SH2D4B: variants seen among roughly 807,000 people sequenced by gnomAD.
The protein encoded by SH2D4B is SH2 domain-containing protein 4B.
SH2D4B carries 45 observed loss-of-function variants against 61.5 expected under a neutral mutation model. That is an observed-to-expected ratio of 0.73 (90% confidence interval 0.58 to 0.94). The LOEUF (loss-of-function observed/expected upper bound fraction) is 0.94. Ranked by LOEUF, SH2D4B falls within the 40% of genes least tolerant of loss-of-function variation. SH2D4B has a pLI of 0.00. For synonymous variants in SH2D4B, 224 were observed against 220.4 expected (o/e 1.02, Z -0.14); for missense variants, 572 against 574.2 (o/e 1.00, Z 0.04).
chr10:80,641,313 C>A (rs1379586035), intron 7 of SH2D4B, among the ~76,000 whole-genome samples: 1 of 152,192 alleles, frequency 6.6e-6, no homozygotes, highest in African/African-American at 2.4e-5. Context: ...CTGGGAGAAC[C>A]ACTGCTCTCT....
Position 80,609,668 on chromosome 10 carries a change from T to C in SH2D4B, c.988+117T>C, listed in dbSNP as rs1190022015. 3 of 1,491,114 alleles carry C rather than the reference T, an allele frequency of 2.0e-6. No individual in the cohort carries two copies. In the East Asian group the frequency reaches 6.9e-5, roughly 34 times the overall value. The allele number at this position is 1,491,114 out of a possible 1,614,324, so 92.4% of individuals were successfully genotyped here. On this transcript the variant is annotated intron_variant, in intron 6 of 7. Coordinates refer to ENST00000646907, the MANE Select transcript of SH2D4B (RefSeq NM_001388272.1). ...TCAGGGGGCAGAGGACTTTAAGCAATCTCCATTCTGTCCCTCTCCCAGTGG... is the reference window on the plus strand; with the variant it reads ...TCAGGGGGCAGAGGACTTTAAGCAACCTCCATTCTGTCCCTCTCCCAGTGG...
intron 1 of SH2D4B, among the ~76,000 whole-genome samples, chr10:80,568,127 G>A (rs573495368): frequency 2.7e-4 from 40 of 150,482 alleles, no homozygotes; most frequent in African/African-American, 6.8e-4. Flanking sequence ...TTGCTCTGTC[G>A]CTCAGGCTGG....
intron 1 of SH2D4B, among the ~76,000 whole-genome samples, chr10:80,562,894 C>CTTTTTTT (rs34539206): frequency 0.017 from 1,253 of 74,604 alleles, no homozygotes; most frequent in Middle Eastern, 0.052. Flanking sequence ...AACATTTTTT[C>CTTTTTTT]TTTTTTTTTT....
At chr10:80,548,779 C>T (rs1379168550) in intron 1 of SH2D4B, among the ~76,000 whole-genome samples, 1 of 152,186 alleles carries the variant, frequency 6.6e-6, no homozygotes, top group Non-Finnish European at 1.5e-5. Flanking sequence ...ATTGCTAGCC[C>T]TAGTCTATGG....
chr10:80,641,161 C>CA (rs1840297549), intron 7 of SH2D4B, among the ~76,000 whole-genome samples: 2 of 152,200 alleles, frequency 1.3e-5, no homozygotes, highest in Non-Finnish European at 2.9e-5. Flanking sequence ...TCCTTCCTCT[C>CA]GAAGTTTCAT....
intron 6 of SH2D4B, among the ~76,000 whole-genome samples, chr10:80,618,235 A>T (rs1395338411): frequency 6.6e-6 from 1 of 152,210 alleles, no homozygotes; most frequent in Non-Finnish European, 1.5e-5. Flanking sequence ...CATGCCATAA[A>T]TGTATACATC....
chr10:80,552,488 C>T (rs949257757), intron 1 of SH2D4B, among the ~76,000 whole-genome samples: 2 of 152,172 alleles, frequency 1.3e-5, no homozygotes, highest in African/African-American at 4.8e-5. Flanking sequence ...GCTGTCCCCT[C>T]CCTGCTTCCC....
At chr10:80,614,970 G>A (rs1187217254) in intron 6 of SH2D4B, among the ~76,000 whole-genome samples, 1 of 152,240 alleles carries the variant, frequency 6.6e-6, no homozygotes, top group Non-Finnish European at 1.5e-5. Flanking sequence ...GCCCTCCTGG[G>A]AGCCCTGTGG....
At chr10:80,585,534 C>G (rs1842234802) in intron 3 of SH2D4B, among the ~76,000 whole-genome samples, 1 of 152,158 alleles carries the variant, frequency 6.6e-6, no homozygotes, top group Non-Finnish European at 1.5e-5. Context: ...CAGCTGGTCT[C>G]AAACTCCTGA....
chr10:80,549,594 T>C (rs527803116), intron 1 of SH2D4B, among the ~76,000 whole-genome samples: 2 of 152,296 alleles, frequency 1.3e-5, no homozygotes, highest in South Asian at 2.1e-4. Flanking sequence ...AAGTGAGCCA[T>C]GTGCAAAGTG....
At position 80,634,366 on chromosome 10, in the gene SH2D4B, T is replaced by A; in HGVS notation, c.1070T>A (p.Ile357Asn). Residue 357 changes from isoleucine (I) to asparagine (N), a missense_variant, in exon 7 of 8, where the codon ATC (isoleucine) becomes AAC (asparagine). Coordinates refer to ENST00000646907, the MANE Select transcript of SH2D4B (RefSeq NM_001388272.1). ...TTCCTGGTCCGGGTCAGTGAGAAAA[T>A]CTGGGGTTACACCCTCTCCTACCGC... ...GAFLVRVSEK[I>N]WGYTLSYRLQ... The A allele has an allele frequency of 1.3e-6, 2 of 1,550,272 alleles. No homozygotes were observed. The highest frequency in any genetic ancestry group is 1.7e-6 in the Non-Finnish European group (2 of 1,146,854).
At chr10:80,638,507 A>T (rs1250692397) in intron 7 of SH2D4B, among the ~76,000 whole-genome samples, 1 of 152,134 alleles carries the variant, frequency 6.6e-6, no homozygotes, top group Non-Finnish European at 1.5e-5. Context: ...TTCCTGGTTT[A>T]GTCTTGGGAG....
intron 6 of SH2D4B, among the ~76,000 whole-genome samples, chr10:80,627,846 A>G (rs1459990909): frequency 6.6e-6 from 1 of 152,086 alleles, no homozygotes; most frequent in Non-Finnish European, 1.5e-5. Flanking sequence ...TGGAAACTAT[A>G]GGAAAAACAA....
intron 3 of SH2D4B, among the ~76,000 whole-genome samples, chr10:80,576,627 G>A (rs1842128340): frequency 6.6e-6 from 1 of 152,208 alleles, no homozygotes; most frequent in Non-Finnish European, 1.5e-5. Flanking sequence ...AGGTTTCTGT[G>A]GTAGGTTAAA....
At chr10:80,629,123 C>T (rs1203975308) in intron 6 of SH2D4B, among the ~76,000 whole-genome samples, 1 of 152,056 alleles carries the variant, frequency 6.6e-6, no homozygotes, top group Non-Finnish European at 1.5e-5. Flanking sequence ...GTTCTATAGG[C>T]TGTACAGGAA....
intron 1 of SH2D4B, among the ~76,000 whole-genome samples, chr10:80,542,976 T>G (rs1841603210): frequency 6.6e-6 from 1 of 152,178 alleles, no homozygotes; most frequent in South Asian, 2.1e-4. Context: ...CTCTACTGCC[T>G]CCATTCTCCA....
chr10:80,600,521 A>ATGTGTGTGTGTG (rs67885510), intron 4 of SH2D4B, among the ~76,000 whole-genome samples: 8 of 127,892 alleles, frequency 6.3e-5, no homozygotes, highest in African/African-American at 1.9e-4. Flanking sequence ...GCAGAGTGGC[A>ATGTGTGTGTGTG]TGTGTGTGTG....
intron 1 of SH2D4B, among the ~76,000 whole-genome samples, chr10:80,541,444 G>T (rs1841577567): frequency 6.6e-6 from 1 of 151,834 alleles, no homozygotes; most frequent in African/African-American, 2.4e-5. Context: ...TTTTTTTTCT[G>T]AAGGAAGCAC....
rs1400967799 is a variant in SH2D4B at position 80,645,025 on chromosome 10, G to T, written c.*940G>T. 1 of 152,196 alleles carries T rather than the reference G, an allele frequency of 6.6e-6. No homozygotes were observed. Among genetic ancestry groups the T allele is most frequent in the Non-Finnish European group, 1.5e-5 (1 of 68,036 alleles). 9.4% of individuals were successfully genotyped at this position (152,196 alleles called of 1,614,324 possible). On this transcript the variant is annotated 3_prime_UTR_variant, in exon 8 of 8. Coordinates refer to ENST00000646907, the MANE Select transcript of SH2D4B (RefSeq NM_001388272.1). ...ACTCTCAGTGATGGTATCTGTTGGT[G>T]CATACTTGTGTTCCACAGTTATGGC...
Sources: gnomAD v4.1 joint callset for allele counts (sites outside exome capture counted in the v4.1 genomes callset) on GRCh38, gnomAD v4.1.1 for gene constraint, MANE v1.5 for transcripts, NCBI Gene and HGNC (gene_info 2026-07-23, HGNC 2026-07-21) for gene names.